The following TRIM37 variants were observed in gnomAD, a reference collection of about 807,000 sequenced individuals.
TRIM37 encodes tripartite motif containing 37, also known as E3 ubiquitin-protein ligase TRIM37.
TRIM37 carries 80 observed loss-of-function variants against 129.8 expected under a neutral mutation model. The observed-to-expected ratio is 0.62, with a 90% CI of 0.51 to 0.74. The LOEUF is 0.74. Ranked by LOEUF, TRIM37 falls within the 30% of genes least tolerant of loss-of-function variation. The probability of loss-of-function intolerance (pLI) is 0.00; values close to 1 mark genes in which losing one functional copy is unlikely to be tolerated. For synonymous variants in TRIM37, 389 were observed against 387.1 expected (o/e 1.00, Z -0.06); for missense variants, 1,054 against 1,176.5 (o/e 0.90, Z 1.52).
intron 17 of TRIM37, among the ~76,000 whole-genome samples, chr17:59,037,539 C>T (rs1334013589): frequency 2.7e-5 from 3 of 110,078 alleles, no homozygotes; most frequent in African/African-American, 1.1e-4. Context: ...GCCCGGGCAA[C>T]AGAGCAAGAC....
chr17:59,005,446 G>A (rs1251923253), intron 22 of TRIM37, among the ~76,000 whole-genome samples: 1 of 152,052 alleles, frequency 6.6e-6, no homozygotes, highest in African/African-American at 2.4e-5. Context: ...ACCACACCCA[G>A]CTAATTTTTT....
chr17:58,980,143 C>T (rs776743144), downstream of TRIM37: 4 of 1,614,092 alleles, frequency 2.5e-6, no homozygotes, highest in Admixed American at 1.7e-5. The surrounding 1 kb of genome is among the most constrained non-coding windows in gnomAD (Gnocchi z 4.7). Context: ...ATAATGGAGA[C>T]AGCAGCATGG....
intron 9 of TRIM37, among the ~76,000 whole-genome samples, chr17:59,068,947 T>C (rs2146708784): frequency 6.6e-6 from 1 of 152,204 alleles, no homozygotes; most frequent in South Asian, 2.1e-4. Flanking sequence ...CTGCTAAACA[T>C]CTTATAAAAC....
At chr17:59,021,447 T>C (rs1301920077) in intron 19 of TRIM37, among the ~76,000 whole-genome samples, 1 of 151,916 alleles carries the variant, frequency 6.6e-6, no homozygotes, top group Non-Finnish European at 1.5e-5. Context: ...TATTCAGCCA[T>C]AAAAAAGGAA....
chr17:59,073,912 C>A (rs1029998202), intron 8 of TRIM37, among the ~76,000 whole-genome samples: 1 of 152,194 alleles, frequency 6.6e-6, no homozygotes, highest in South Asian at 2.1e-4. Context: ...ATGCCTTCTT[C>A]TGGAATATAG....
intron 13 of TRIM37, among the ~76,000 whole-genome samples, chr17:59,051,714 A>T (rs2040363417): frequency 6.6e-6 from 1 of 151,882 alleles, no homozygotes; most frequent in Non-Finnish European, 1.5e-5. Context: ...TCCCTAAATG[A>T]GGCCCCAGCA....
At chr17:58,976,075 G>A in the TRIM37 span, among the ~76,000 whole-genome samples, 1 of 152,186 alleles carries the variant, frequency 6.6e-6, no homozygotes, top group Admixed American at 6.5e-5. Context: ...GCTGATTCAG[G>A]AAAGGGTTCC....
chr17:59,100,274 G>A (rs1182360688), intron 2 of TRIM37, among the ~76,000 whole-genome samples: 2 of 152,102 alleles, frequency 1.3e-5, no homozygotes, highest in Non-Finnish European at 2.9e-5. Context: ...TTACCCAAGA[G>A]AAAAGAAAGC....
rs2046010395 is a variant in TRIM37, at chr17:59,106,457, T to C, written c.5A>G (p.Asp2Gly). The part of the protein sequence containing the change: M[D>G]EQSVESIAEV... The stretch of plus-strand genomic sequence containing the variant: ...CCCCCTCACCTCCACGCTCTGTTCA[T>C]CCATTGCCTCCGGCTCTCGGCGGGG... Residue 2 changes from aspartate (D) to glycine (G), a missense_variant, in exon 1 of 24, where the codon GAT (aspartate) becomes GGT (glycine). Physicochemically the swap from Asp to Gly is moderately conservative, Grantham distance 94 (BLOSUM62 -1). This residue lies in a region of TRIM37 where 752 missense variants were observed against 870.8 expected (regional missense o/e 0.86). Coordinates refer to ENST00000262294, the MANE Select transcript of TRIM37 (RefSeq NM_015294.6). The C allele has an allele frequency of 1.2e-6, 2 of 1,613,864 alleles. No homozygotes were observed. Among genetic ancestry groups the C allele is most frequent in the Non-Finnish European group, 1.7e-6 (2 of 1,179,958 alleles).
At chr17:59,068,010 T>C (rs960396300) in intron 9 of TRIM37, among the ~76,000 whole-genome samples, 2 of 152,362 alleles carry the variant, frequency 1.3e-5, no homozygotes, top group Non-Finnish European at 2.9e-5. Context: ...CTGCTTTGCA[T>C]ATCTAAAGTT....
chr17:59,091,905 G>A (rs1263599645), intron 2 of TRIM37, among the ~76,000 whole-genome samples: 1 of 151,086 alleles, frequency 6.6e-6, no homozygotes, highest in East Asian at 1.9e-4. Flanking sequence ...TTATAATAAT[G>A]GCACTGTCTC....
At chr17:59,028,945 C>G (rs143150126) in intron 18 of TRIM37, among the ~76,000 whole-genome samples, 3 of 152,124 alleles carry the variant, frequency 2.0e-5, no homozygotes, top group Non-Finnish European at 4.4e-5. Flanking sequence ...TACTCAAGTT[C>G]GAATTACACA....
downstream of TRIM37, among the ~76,000 whole-genome samples, chr17:58,977,808 T>C (rs1388843916): frequency 1.3e-5 from 2 of 152,282 alleles, no homozygotes; most frequent in East Asian, 3.9e-4. Flanking sequence ...AGTGGCGCAA[T>C]CTGGGCTCAC....
At chr17:59,063,603 C>T (rs912433917) in intron 10 of TRIM37, among the ~76,000 whole-genome samples, 2 of 152,138 alleles carry the variant, frequency 1.3e-5, no homozygotes, top group Non-Finnish European at 2.9e-5. Flanking sequence ...TTGCATGTTA[C>T]GATCTTCACT....
intron 19 of TRIM37, among the ~76,000 whole-genome samples, chr17:59,023,098 A>C (rs1356804801): frequency 6.6e-6 from 1 of 151,990 alleles, no homozygotes; most frequent in East Asian, 1.9e-4. Context: ...TTTATTTTTG[A>C]GACAGTCTCA....
At chr17:59,041,729 TA>T in intron 17 of TRIM37, 83 bp downstream of exon 17, 1 of 1,026,206 alleles carries the variant, frequency 9.7e-7, no homozygotes, top group Non-Finnish European at 1.5e-6. Context: ...AAGCAGTGGC[TA>T]CCACCTATTT....
the TRIM37 span, among the ~76,000 whole-genome samples, chr17:58,975,485 AAAAT>A: frequency 2.0e-5 from 3 of 152,208 alleles, no homozygotes; most frequent in African/African-American, 7.2e-5. Context: ...TTAATAATAA[AAAAT>A]AAACAATCTA....
chr17:59,003,996 C>A (rs2034138858), intron 22 of TRIM37, among the ~76,000 whole-genome samples: 1 of 151,188 alleles, frequency 6.6e-6, no homozygotes, highest in Admixed American at 6.6e-5. Flanking sequence ...ATTGTCCTAG[C>A]TACTAGGGAG....
At chr17:59,104,472 G>C in intron 1 of TRIM37, 78 bp from the exon 2 acceptor site, 1 of 1,242,384 alleles carries the variant, frequency 8.0e-7, no homozygotes, top group Non-Finnish European at 1.2e-6. Context: ...AAAACAACTT[G>C]ACATTTACAT....
Sources: gnomAD v4.1 joint callset for allele counts (sites outside exome capture counted in the v4.1 genomes callset) on GRCh38, gnomAD v4.1.1 for gene constraint, gnomAD v4.1.1 regional missense constraint, Gnocchi (gnomAD v3.1) non-coding constraint, MANE v1.5 for transcripts, NCBI Gene and HGNC (gene_info 2026-07-23, HGNC 2026-07-21) for gene names.